The following FANCA variants were observed in gnomAD, a reference collection of about 807,000 sequenced individuals.
FANCA encodes Fanconi anemia group A protein.
In FANCA, 236 loss-of-function variants were observed where a neutral mutation model predicts 194.3. The ratio of observed to expected loss-of-function variants is 1.21; its 90% confidence interval spans 1.09 to 1.35. The LOEUF is 1.35. Ranked by LOEUF, FANCA falls within the 40% of genes most tolerant of loss-of-function variation. The pLI is 0.00. For missense variants in FANCA, 2,628 were observed against 1,813.9 expected (o/e 1.45, Z -8.15); for synonymous variants, 1,014 against 715.8 (o/e 1.42, Z -6.65).
At chr16:89,798,762 T>C in intron 10 of FANCA, 1 of 1,384,638 alleles carries the variant, frequency 7.2e-7, no homozygotes, top group East Asian at 2.8e-5. Flanking sequence ...AGCGGGAGTC[T>C]GTAGAGGCAC....
intron 30 of FANCA, among the ~76,000 whole-genome samples, chr16:89,754,153 C>T (rs950491320): frequency 2.0e-5 from 3 of 151,542 alleles, no homozygotes; most frequent in East Asian, 1.9e-4. Context: ...ACCTGAGAGG[C>T]GAAGGTTTCG....
intron 30 of FANCA, among the ~76,000 whole-genome samples, chr16:89,752,439 C>T (rs1291741208): frequency 6.6e-6 from 1 of 152,108 alleles, no homozygotes; most frequent in Non-Finnish European, 1.5e-5. Context: ...GAGGCTTATC[C>T]CAAGAATGCA....
At chr16:89,758,453 C>T (rs1969235124) in intron 30 of FANCA, 124 bp downstream of exon 30, 2 of 1,136,056 alleles carry the variant, frequency 1.8e-6, no homozygotes, top group Non-Finnish European at 1.3e-6. Flanking sequence ...TGGGTATAGG[C>T]TGGGAAAGGC....
At position 89,784,432 on chromosome 16, in the gene FANCA, A is replaced by T. The variant is rs866420537; in HGVS notation, c.1470+422T>A. ...AACCCACATGAAATTAAAAAAAAAA[A>T]AAAAAAAGCAAACATGAGATCCTAA... On this transcript the variant is annotated intron_variant, in intron 15 of 42. Coordinates refer to ENST00000389301, the MANE Select transcript of FANCA (RefSeq NM_000135.4). Among the ~76,000 whole-genome samples the T allele has an allele frequency of 1.3e-3, 195 of 151,340 alleles. 2 individuals are homozygous for T. Among genetic ancestry groups the T allele is most frequent in the African/African-American group, 4.5e-3 (185 of 41,402 alleles).
At chr16:89,763,710 G>A (rs943619378) in intron 28 of FANCA, among the ~76,000 whole-genome samples, 7 of 151,974 alleles carry the variant, frequency 4.6e-5, no homozygotes, top group Admixed American at 6.6e-5. Flanking sequence ...AGGCCAAGGC[G>A]GGCAGATCAC....
chr16:89,777,110 A>G (rs989880630), intron 20 of FANCA, among the ~76,000 whole-genome samples: 20 of 145,260 alleles, frequency 1.4e-4, no homozygotes, highest in African/African-American at 2.8e-4. Flanking sequence ...CTTGGGAGGC[A>G]GAGGGGGAAG....
Position 89,781,796 on chromosome 16 carries a change from G to A in FANCA, c.1626+1063C>T, listed in dbSNP as rs55663848. Among the ~76,000 whole-genome samples the A allele has an allele frequency of 4.5e-3, 689 of 151,758 alleles. 8 individuals are homozygous for A. Among genetic ancestry groups the A allele is most frequent in the Non-Finnish European group, 6.6e-3 (446 of 67,884 alleles). On this transcript the variant is annotated intron_variant, in intron 17 of 42. Coordinates refer to ENST00000389301, the MANE Select transcript of FANCA (RefSeq NM_000135.4). ...GGGCGGATCACGAGGTCAGGAGATC[G>A]AGACCATACTGGCTAACGTGGTGAA...
intron 32 of FANCA, 124 bp from the exon 33 acceptor site, chr16:89,748,891 C>A: frequency 1.3e-6 from 1 of 788,786 alleles, no homozygotes; most frequent in Non-Finnish European, 2.2e-6. Flanking sequence ...GAACCAGAGC[C>A]TTGGCCTGTG....
At chr16:89,748,433 A>C (rs1248730570) in intron 33 of FANCA, among the ~76,000 whole-genome samples, 1 of 152,250 alleles carries the variant, frequency 6.6e-6, no homozygotes, top group Admixed American at 6.5e-5. Flanking sequence ...AGGAACTCAA[A>C]CTTGGGAGAA....
chr16:89,767,734 G>T (rs1002567580), intron 26 of FANCA, among the ~76,000 whole-genome samples: 1 of 152,174 alleles, frequency 6.6e-6, no homozygotes, highest in Non-Finnish European at 1.5e-5. Context: ...ATTTTTAGTA[G>T]AGATGGGGTT....
intron 33 of FANCA, among the ~76,000 whole-genome samples, chr16:89,747,411 T>C (rs1435470253): frequency 6.6e-6 from 1 of 152,170 alleles, no homozygotes; most frequent in Non-Finnish European, 1.5e-5. Context: ...TTGTCACATT[T>C]TGAAGTGCTG....
chr16:89,790,525 T>C (rs1236883946), intron 14 of FANCA, among the ~76,000 whole-genome samples: 2 of 152,054 alleles, frequency 1.3e-5, no homozygotes, highest in African/African-American at 4.8e-5. Context: ...GGTCAGGAGT[T>C]AGAGACCAGC....
At chr16:89,781,654 C>T (rs565280103) in intron 17 of FANCA, among the ~76,000 whole-genome samples, 1 of 142,468 alleles carries the variant, frequency 7.0e-6, no homozygotes, top group Non-Finnish European at 1.5e-5. Flanking sequence ...CCAGCCAGGG[C>T]GACAGAGCGA....
chr16:89,739,800 C>G (rs1299660748), intron 39 of FANCA, 194 bp downstream of exon 39: 3 of 1,465,244 alleles, frequency 2.0e-6, no homozygotes, highest in East Asian at 4.9e-5. Flanking sequence ...GCCCATTGGT[C>G]CTGGGGTTGA....
At chr16:89,794,184 A>C (rs1443575185) in intron 11 of FANCA, among the ~76,000 whole-genome samples, 1 of 152,194 alleles carries the variant, frequency 6.6e-6, no homozygotes, top group Non-Finnish European at 1.5e-5. Context: ...CCGGTTACTT[A>C]CTTGTAATGC....
chr16:89,740,180 A>T, intron 38 of FANCA, 81 bp from the exon 39 acceptor site: 1 of 1,084,878 alleles, frequency 9.2e-7, no homozygotes, highest in Non-Finnish European at 1.4e-6. Context: ...TCAGCACAGA[A>T]GAGGGCATTT....
chr16:89,800,948 G>A (rs2040426789), intron 8 of FANCA, among the ~76,000 whole-genome samples: 1 of 150,894 alleles, frequency 6.6e-6, no homozygotes, highest in Non-Finnish European at 1.5e-5. Context: ...CAGGAGAATA[G>A]CTTGAACCCG....
At chr16:89,747,314 T>C (rs1567602044) in intron 33 of FANCA, among the ~76,000 whole-genome samples, 1 of 152,166 alleles carries the variant, frequency 6.6e-6, no homozygotes, top group Non-Finnish European at 1.5e-5. Flanking sequence ...ACTGAGAGCT[T>C]TCTGAAAAAC....
chr16:89,787,788 T>C (rs2039946545), intron 14 of FANCA, among the ~76,000 whole-genome samples: 3 of 152,050 alleles, frequency 2.0e-5, no homozygotes, highest in African/African-American at 7.2e-5. Context: ...CATAATGTGA[T>C]ATGCTGAGAA....
Sources: allele counts gnomAD v4.1 joint callset (sites outside exome capture counted in the v4.1 genomes callset), GRCh38; gene constraint gnomAD v4.1.1; transcripts MANE v1.5; gene names NCBI Gene and HGNC (gene_info 2026-07-23, HGNC 2026-07-21).